The following SORBS2 variants were observed in gnomAD, a reference collection of about 807,000 sequenced individuals.
SORBS2 encodes sorbin and SH3 domain-containing protein 2.
A neutral mutation model predicts 97.7 loss-of-function variants in SORBS2; 46 were observed. The observed-to-expected ratio is 0.47, with a 90% CI of 0.37 to 0.60. SORBS2 has a LOEUF of 0.60. SORBS2 is among the 20% of genes least tolerant of loss of function. The pLI is 0.00. For synonymous variants in SORBS2, 476 were observed against 473.4 expected (o/e 1.01, Z -0.07); for missense variants, 1,316 against 1,282.3 (o/e 1.03, Z -0.40).
chr4:185,910,959 T>TAA (rs199614292), intron 1 of SORBS2, among the ~76,000 whole-genome samples: 1 of 149,600 alleles, frequency 6.7e-6, no homozygotes. Flanking sequence ...GTTTGATTTT[T>TAA]TAAAAAAAAA....
Position 185,924,473 on chromosome 4 carries a change from G to T in SORBS2, c.-338+31723C>A, listed in dbSNP as rs187981640. Among the ~76,000 whole-genome samples, 13 of 152,336 alleles carry T rather than the reference G, an allele frequency of 8.5e-5. No homozygotes were observed. The East Asian group carries it at 2.5e-3, about 29-fold the overall frequency. ...CTAGCAGAAAAGCCCCCACCGGCAAGCTTTGATATGCAAATGTACGCCATT... is the reference window on the plus strand; with the variant it reads ...CTAGCAGAAAAGCCCCCACCGGCAATCTTTGATATGCAAATGTACGCCATT... On this transcript the variant is annotated intron_variant, in intron 1 of 20. Transcript: ENST00000284776.
chr4:185,793,361 A>AT (rs1430351054), intron 1 of SORBS2, among the ~76,000 whole-genome samples: 2 of 152,148 alleles, frequency 1.3e-5, no homozygotes, highest in African/African-American at 4.8e-5. Context: ...TCCTGTCATC[A>AT]TTTTTGCCGT....
At chr4:185,867,371 A>G (rs1164774025) in intron 1 of SORBS2, among the ~76,000 whole-genome samples, 1 of 152,224 alleles carries the variant, frequency 6.6e-6, no homozygotes, top group Admixed American at 6.5e-5. Context: ...AATAACTTTT[A>G]GCTACTTTAG....
chr4:185,712,408 C>T (rs1024541100), intron 2 of SORBS2, among the ~76,000 whole-genome samples: 1 of 152,188 alleles, frequency 6.6e-6, no homozygotes, highest in African/African-American at 2.4e-5. Context: ...GCAATAAAAT[C>T]CCCCACATTT....
intron 1 of SORBS2, among the ~76,000 whole-genome samples, chr4:185,824,596 G>A (rs1038681399): frequency 2.0e-5 from 3 of 152,158 alleles, no homozygotes; most frequent in African/African-American, 4.8e-5. Context: ...AACCAACTCA[G>A]GGACAACTCA....
At chr4:185,624,632 G>T in intron 6 of SORBS2, 138 bp from the exon 19 acceptor site, 1 of 870,178 alleles carries the variant, frequency 1.1e-6, no homozygotes, top group East Asian at 2.7e-5. Flanking sequence ...TCTAGGTGCT[G>T]ATTGTTCACA....
At chr4:185,661,600 C>T (rs546505073), upstream of SORBS2, among the ~76,000 whole-genome samples, 1 of 152,306 alleles carries the variant, frequency 6.6e-6, no homozygotes, top group East Asian at 1.9e-4. Flanking sequence ...TCCCTGACTG[C>T]AGGTCTTCCA....
At chr4:185,604,446 G>A (rs2096357350) in intron 12 of SORBS2, among the ~76,000 whole-genome samples, 2 of 152,138 alleles carry the variant, frequency 1.3e-5, no homozygotes, top group South Asian at 2.1e-4. Flanking sequence ...AAACAGAGGC[G>A]AAGAGAGAAT....
chr4:185,625,260 C>T (rs755034120), intron 6 of SORBS2, among the ~76,000 whole-genome samples: 27 of 152,028 alleles, frequency 1.8e-4, no homozygotes, highest in African/African-American at 5.8e-4. Context: ...CTTTTTTTCT[C>T]GGAAGAGTTC....
At chr4:185,690,413 A>G (rs879831056) in intron 2 of SORBS2, 149 bp downstream of exon 4, 2 of 455,782 alleles carry the variant, frequency 4.4e-6, no homozygotes, top group Admixed American at 7.7e-5. Flanking sequence ...CACAAATACA[A>G]AGAAAGAAAG....
chr4:185,807,391 A>T (rs2099161437), intron 1 of SORBS2, among the ~76,000 whole-genome samples: 1 of 152,198 alleles, frequency 6.6e-6, no homozygotes, highest in African/African-American at 2.4e-5. Flanking sequence ...AAGGTACAGA[A>T]TTTAATGCTG....
chr4:185,880,547 G>T (rs1383412227), intron 1 of SORBS2, among the ~76,000 whole-genome samples: 2 of 152,324 alleles, frequency 1.3e-5, no homozygotes, highest in East Asian at 1.9e-4. Flanking sequence ...AGAATGTCTT[G>T]AAAGCATATT....
intron 12 of SORBS2, among the ~76,000 whole-genome samples, chr4:185,609,635 G>A (rs2096499443): frequency 6.6e-6 from 1 of 152,152 alleles, no homozygotes; most frequent in Non-Finnish European, 1.5e-5. Context: ...GGATTCTAAT[G>A]CACTAAAAGC....
At chr4:185,873,284 TA>T (rs1242463786) in intron 1 of SORBS2, among the ~76,000 whole-genome samples, 1 of 152,178 alleles carries the variant, frequency 6.6e-6, no homozygotes, top group Non-Finnish European at 1.5e-5. Flanking sequence ...TCTTTTACCT[TA>T]TGTGGACTTA....
At chr4:185,775,259 ACAGAGGAAGTAGGAGT>A (rs1358923454) in exon 2 of SORBS2, 2 of 152,628 alleles carry the variant, frequency 1.3e-5, no homozygotes, top group Non-Finnish European at 2.9e-5. Flanking sequence ...GTTGCTCTAT[ACAGAGGAAGTAGGAGT>A]CAGTGGCCTT....
chr4:185,596,099 A>ATGT (rs1349566605), intron 12 of SORBS2, among the ~76,000 whole-genome samples: 1 of 152,204 alleles, frequency 6.6e-6, no homozygotes, highest in African/African-American at 2.4e-5. Context: ...TTAAGAGAAA[A>ATGT]TGTTGTGTAA....
intron 1 of SORBS2, among the ~76,000 whole-genome samples, chr4:185,827,201 TCACCATCATCACC>T (rs2099200879): frequency 1.6e-5 from 1 of 61,226 alleles, no homozygotes. Context: ...ATCATCATCA[TCACCATCATCACC>T]ATCATCACCA....
intron 3 of SORBS2, 122 bp downstream of exon 12, chr4:185,649,345 G>T: frequency 1.3e-6 from 1 of 790,508 alleles, no homozygotes; most frequent in Non-Finnish European, 1.9e-6. Context: ...TATATGTATA[G>T]ACTAGCAAGA....
intron 1 of SORBS2, among the ~76,000 whole-genome samples, chr4:185,865,455 G>A (rs532481495): frequency 6.6e-5 from 10 of 152,160 alleles, no homozygotes; most frequent in Non-Finnish European, 1.2e-4. Flanking sequence ...CCTAAAATCA[G>A]CAGATGTATT....
Sources: allele counts gnomAD v4.1 joint callset (sites outside exome capture counted in the v4.1 genomes callset), GRCh38; gene constraint gnomAD v4.1.1; transcripts MANE v1.5; gene names NCBI Gene and HGNC (gene_info 2026-07-23, HGNC 2026-07-21).